ERBB4: variants seen among roughly 807,000 people sequenced by gnomAD.
ERBB4 encodes the protein erb-b2 receptor tyrosine kinase 4.
A neutral mutation model predicts 158.0 loss-of-function variants in ERBB4; 42 were observed. That is an observed-to-expected ratio of 0.27 (90% CI 0.21 to 0.34). The LOEUF (loss-of-function observed/expected upper bound fraction) is 0.34, where lower values mean the gene tolerates loss of function less well. ERBB4 is among the 10% of genes least tolerant of loss of function. The probability of loss-of-function intolerance (pLI) is 1.00; values close to 1 mark genes in which losing one functional copy is unlikely to be tolerated. For missense variants in ERBB4, 1,333 were observed against 1,624.1 expected (o/e 0.82, Z 3.08); for synonymous variants, 583 against 558.7 (o/e 1.04, Z -0.61).
At chr2:212,272,737 T>C (rs2085389329) in intron 1 of ERBB4, among the ~76,000 whole-genome samples, 1 of 151,850 alleles carries the variant, frequency 6.6e-6, no homozygotes, top group Non-Finnish European at 1.5e-5. Context: ...TGAGATCAAA[T>C]ACTTTTTTCT....
At chr2:212,056,068 T>G (rs563314274) in intron 2 of ERBB4, among the ~76,000 whole-genome samples, 2 of 152,144 alleles carry the variant, frequency 1.3e-5, no homozygotes, top group Non-Finnish European at 2.9e-5. Flanking sequence ...ATAACCAATG[T>G]AGAGAAGTCC....
At chr2:211,733,393 G>A (rs950422639) in intron 5 of ERBB4, among the ~76,000 whole-genome samples, 2 of 152,234 alleles carry the variant, frequency 1.3e-5, no homozygotes, top group Admixed American at 6.5e-5. Context: ...ATTCCTCACA[G>A]GCCTGTAGAT....
rs141074940 is a variant in ERBB4, at chr2:212,044,283, T to A, written c.234+80469A>T. On this transcript the variant is annotated intron_variant, in intron 2 of 27. Transcript: ENST00000342788. ...ATAAAAGTTACACTCGAAAAATAAA[T>A]TTTAATTTCAGAATCACCTGTAGCT... Among the ~76,000 whole-genome samples the A allele has an allele frequency of 2.0e-5, 3 of 152,268 alleles. No individual in the cohort carries two copies. In the South Asian group the frequency reaches 6.2e-4, roughly 32 times the overall value.
intron 2 of ERBB4, among the ~76,000 whole-genome samples, chr2:212,010,700 C>T (rs1474731274): frequency 6.6e-6 from 1 of 152,020 alleles, no homozygotes; most frequent in Non-Finnish European, 1.5e-5. Flanking sequence ...CCAGTCTGAC[C>T]ACAAATTTAC....
chr2:211,649,373 C>T (rs1293740863), intron 16 of ERBB4, among the ~76,000 whole-genome samples: 3 of 151,958 alleles, frequency 2.0e-5, no homozygotes, highest in Admixed American at 1.3e-4. Context: ...GTGGCAAAAA[C>T]AAGCTCCTAG....
chr2:212,132,174 T>C lies in ERBB4; in HGVS notation c.83-7271A>G, dbSNP rs186364383. Among the ~76,000 whole-genome samples the C allele has an allele frequency of 6.5e-3, 987 of 152,296 alleles. 39 individuals are homozygous for C. The highest frequency in any genetic ancestry group is 0.059 in the Admixed American group (905 of 15,284). On this transcript the variant is annotated intron_variant, in intron 1 of 27. Coordinates refer to ENST00000342788, the MANE Select transcript of ERBB4 (RefSeq NM_005235.3). Reference sequence around the variant, plus strand: ...CATCAAAAAAGACTTCACTTTTTCTTCTGGGGACAAAGTGCATTTTTGGTT... The same window carrying C: ...CATCAAAAAAGACTTCACTTTTTCTCCTGGGGACAAAGTGCATTTTTGGTT...
chr2:212,167,329 T>TATGAAAAAAAGCTCAAC (rs1401387358), intron 1 of ERBB4, among the ~76,000 whole-genome samples: 5 of 151,878 alleles, frequency 3.3e-5, no homozygotes, highest in African/African-American at 9.7e-5. Context: ...CCAACAAACA[T>TATGAAAAAAAGCTCAAC]ATGAAAAAAA....
chr2:211,955,625 A>G (rs2125160347), intron 2 of ERBB4, among the ~76,000 whole-genome samples: 1 of 152,296 alleles, frequency 6.6e-6, no homozygotes, highest in South Asian at 2.1e-4. Flanking sequence ...TTAAGAGTAT[A>G]TTCTCATAAC....
chr2:211,500,871 T>C (rs769614801), intron 20 of ERBB4, among the ~76,000 whole-genome samples: 1 of 151,990 alleles, frequency 6.6e-6, no homozygotes, highest in African/African-American at 2.4e-5. Context: ...TTTGGTATAA[T>C]AGGTTTGGCA....
At chr2:212,327,895 C>T (rs1560029336) in intron 1 of ERBB4, among the ~76,000 whole-genome samples, 2 of 151,004 alleles carry the variant, frequency 1.3e-5, no homozygotes, top group Admixed American at 1.3e-4. Flanking sequence ...AAAAATAAGG[C>T]ATAGATACTC....
chr2:212,433,592 T>A (rs1219410853), intron 1 of ERBB4, among the ~76,000 whole-genome samples: 1 of 152,022 alleles, frequency 6.6e-6, no homozygotes, highest in South Asian at 2.1e-4. Flanking sequence ...CTTACTTGCA[T>A]ACCAGGTTCT....
chr2:212,435,451 A>G (rs773725836), intron 1 of ERBB4, among the ~76,000 whole-genome samples: 17 of 152,090 alleles, frequency 1.1e-4, no homozygotes, highest in Non-Finnish European at 1.8e-4. Flanking sequence ...GTGAACACCT[A>G]TTTATTTTTA....
At chr2:212,240,166 G>T (rs1448670601) in intron 1 of ERBB4, among the ~76,000 whole-genome samples, 1 of 152,138 alleles carries the variant, frequency 6.6e-6, no homozygotes, top group Non-Finnish European at 1.5e-5. Flanking sequence ...AAAAGACCAT[G>T]AATGTTTGCT....
chr2:212,513,281 G>A (rs535308668), intron 1 of ERBB4, among the ~76,000 whole-genome samples: 2 of 152,216 alleles, frequency 1.3e-5, no homozygotes, highest in South Asian at 2.1e-4. Flanking sequence ...TATATATTCA[G>A]CACTCTAAAA....
At chr2:212,164,160 G>A (rs940589663) in intron 1 of ERBB4, among the ~76,000 whole-genome samples, 5 of 151,808 alleles carry the variant, frequency 3.3e-5, no homozygotes, top group Non-Finnish European at 2.9e-5. Flanking sequence ...GTTAAAGTTA[G>A]ACACATATAG....
chr2:211,966,313 C>G (rs2125188831), intron 2 of ERBB4, among the ~76,000 whole-genome samples: 1 of 152,268 alleles, frequency 6.6e-6, no homozygotes, highest in African/African-American at 2.4e-5. Flanking sequence ...ACGATCTTGG[C>G]TCACTGCAAC....
chr2:212,136,902 T>C (rs1486880047), intron 1 of ERBB4, among the ~76,000 whole-genome samples: 5 of 152,118 alleles, frequency 3.3e-5, no homozygotes, highest in Admixed American at 1.3e-4. Flanking sequence ...TTCTAACAAG[T>C]TTTCGGGGAT....
At chr2:211,590,088 A>C (rs2068414624) in intron 19 of ERBB4, among the ~76,000 whole-genome samples, 1 of 151,900 alleles carries the variant, frequency 6.6e-6, no homozygotes, top group South Asian at 2.1e-4. Flanking sequence ...TCTCATGCTA[A>C]GGATAACCAC....
intron 1 of ERBB4, among the ~76,000 whole-genome samples, chr2:212,263,761 G>GA (rs986295544): frequency 1.3e-5 from 2 of 151,946 alleles, no homozygotes; most frequent in South Asian, 2.1e-4. Context: ...ATCCTAGGGA[G>GA]AAAAAACAGT....
Sources: gnomAD v4.1 joint callset for allele counts (sites outside exome capture counted in the v4.1 genomes callset) on GRCh38, gnomAD v4.1.1 for gene constraint, MANE v1.5 for transcripts, NCBI Gene and HGNC (gene_info 2026-07-23, HGNC 2026-07-21) for gene names.